Variants in MTUS1 observed in about 807,000 individuals in gnomAD.
The protein encoded by MTUS1 is microtubule-associated tumor suppressor 1.
A neutral mutation model predicts 120.8 loss-of-function variants in MTUS1; 109 were observed. That is an observed-to-expected ratio of 0.90 (90% CI 0.77 to 1.06). The LOEUF is 1.06. Among genes scored for constraint, MTUS1 ranks in the 50% least tolerant of loss-of-function variants. The pLI, the probability that MTUS1 is intolerant of heterozygous loss-of-function variation, is 0.00. For synonymous variants in MTUS1, 737 were observed against 550.5 expected (o/e 1.34, Z -4.74); for missense variants, 2,210 against 1,486.3 (o/e 1.49, Z -8.01).
intron 1 of MTUS1, among the ~76,000 whole-genome samples, chr8:17,794,209 T>C (rs2052031356): frequency 6.6e-6 from 1 of 151,882 alleles, no homozygotes; most frequent in Non-Finnish European, 1.5e-5. Flanking sequence ...ATGCCTGTAA[T>C]CCCAGCTACT....
chr8:17,781,029 A>G (rs2050836943), intron 1 of MTUS1: 1 of 152,202 alleles, frequency 6.6e-6, no homozygotes, highest in Admixed American at 6.5e-5. Context: ...CTAAATCAAC[A>G]GGTGTGCAAA....
At chr8:17,655,817 T>C (rs1232375331) in intron 9 of MTUS1, 46 bp downstream of exon 9, 2 of 1,550,870 alleles carry the variant, frequency 1.3e-6, no homozygotes, top group South Asian at 1.1e-5. Context: ...AGGATTCAAG[T>C]AAGCAGCAGA....
chr8:17,650,005 T>G (rs113194844), intron 12 of MTUS1, 43 bp from the exon 13 acceptor site: 13 of 1,002,968 alleles, frequency 1.3e-5, no homozygotes, highest in African/African-American at 4.8e-5. Context: ...TCCACATAGT[T>G]CAAATTCTTA....
At chr8:17,747,624 C>G (rs931874950) in intron 2 of MTUS1, among the ~76,000 whole-genome samples, 4 of 152,120 alleles carry the variant, frequency 2.6e-5, no homozygotes, top group Admixed American at 2.0e-4. Context: ...TGTCTTTTTA[C>G]CAATTGAAAG....
intron 1 of MTUS1, among the ~76,000 whole-genome samples, chr8:17,767,347 G>C (rs994717020): frequency 2.0e-5 from 3 of 151,738 alleles, no homozygotes; most frequent in African/African-American, 7.3e-5. Context: ...TGAATGTATT[G>C]TTTTTCCATG....
intron 7 of MTUS1, among the ~76,000 whole-genome samples, chr8:17,680,337 A>G (rs1474173771): frequency 1.3e-5 from 2 of 151,878 alleles, no homozygotes; most frequent in African/African-American, 2.4e-5. Context: ...GGTGGTGGGC[A>G]TCCGTAATCC....
chr8:17,660,607 T>C (rs1171515471), intron 8 of MTUS1, among the ~76,000 whole-genome samples: 1 of 152,238 alleles, frequency 6.6e-6, no homozygotes, highest in East Asian at 1.9e-4. Context: ...AGGACTATGG[T>C]ACTCTTTTCC....
At chr8:17,744,556 G>C (rs968866467) in intron 2 of MTUS1, among the ~76,000 whole-genome samples, 1 of 152,174 alleles carries the variant, frequency 6.6e-6, no homozygotes, top group South Asian at 2.1e-4. Context: ...GAGTAGCTGG[G>C]ATTACGGGTG....
chr8:17,715,371 G>C (rs944726898), intron 5 of MTUS1, among the ~76,000 whole-genome samples: 3 of 152,150 alleles, frequency 2.0e-5, no homozygotes, highest in Admixed American at 6.5e-5. Flanking sequence ...AGAACATTTA[G>C]AGGAAGAACA....
At chr8:17,759,133 G>A (rs1016080873) in intron 1 of MTUS1, among the ~76,000 whole-genome samples, 6 of 151,478 alleles carry the variant, frequency 4.0e-5, no homozygotes, top group Admixed American at 1.3e-4. Flanking sequence ...CGCCCGCCTC[G>A]GCCTCCCAAA....
chr8:17,762,165 C>T (rs1167133921), intron 1 of MTUS1, among the ~76,000 whole-genome samples: 3 of 152,024 alleles, frequency 2.0e-5, no homozygotes, highest in Non-Finnish European at 4.4e-5. Flanking sequence ...TGTAATCCCA[C>T]CTACTCAGGA....
intron 1 of MTUS1, among the ~76,000 whole-genome samples, chr8:17,792,483 C>G (rs1047239487): frequency 6.6e-6 from 1 of 152,206 alleles, no homozygotes; most frequent in African/African-American, 2.4e-5. Flanking sequence ...TTCTTACCTC[C>G]CTTTTCATTA....
intron 3 of MTUS1, among the ~76,000 whole-genome samples, chr8:17,734,911 C>CT (rs113060045): frequency 4.5e-4 from 67 of 148,578 alleles, no homozygotes; most frequent in East Asian, 6.0e-4. Context: ...TTCACACCAA[C>CT]TTTTTTTTTT....
chr8:17,683,139 G>T (rs1205381443), intron 7 of MTUS1, among the ~76,000 whole-genome samples: 1 of 152,166 alleles, frequency 6.6e-6, no homozygotes, highest in Non-Finnish European at 1.5e-5. Flanking sequence ...GGGCGTGGTG[G>T]CGGGTGCCTG....
At chr8:17,723,453 G>C in intron 4 of MTUS1, 2 of 593,944 alleles carry the variant, frequency 3.4e-6, no homozygotes, top group Non-Finnish European at 6.1e-6. Flanking sequence ...ATGCACTTTC[G>C]AATCCTTCAT....
intron 8 of MTUS1, among the ~76,000 whole-genome samples, chr8:17,658,047 A>ACACACACACG (rs1458906178): frequency 7.3e-4 from 111 of 151,480 alleles, no homozygotes; most frequent in African/African-American, 2.5e-3. Flanking sequence ...ACACACACAC[A>ACACACACACG]CACACACACA....
intron 7 of MTUS1, among the ~76,000 whole-genome samples, chr8:17,679,444 T>C (rs957680493): frequency 6.6e-6 from 1 of 151,878 alleles, no homozygotes; most frequent in Admixed American, 6.6e-5. Context: ...GTTTTTAAAA[T>C]TGTTTAACTT....
intron 4 of MTUS1, among the ~76,000 whole-genome samples, chr8:17,719,468 A>C (rs1025360719): frequency 3.9e-5 from 6 of 152,240 alleles, no homozygotes; most frequent in Non-Finnish European, 5.9e-5. Flanking sequence ...CCCTAGAAAA[A>C]CGTGAACAGA....
intron 2 of MTUS1, among the ~76,000 whole-genome samples, chr8:17,752,398 T>C (rs1475844107): frequency 6.6e-6 from 1 of 152,168 alleles, no homozygotes; most frequent in African/African-American, 2.4e-5. Context: ...ATTAAAATTA[T>C]AAATGATATC....
Sources: allele counts gnomAD v4.1 joint callset (sites outside exome capture counted in the v4.1 genomes callset), GRCh38; gene constraint gnomAD v4.1.1; transcripts MANE v1.5; gene names NCBI Gene and HGNC (gene_info 2026-07-23, HGNC 2026-07-21).